The following SLC22A23 variants were observed in gnomAD, a reference collection of about 807,000 sequenced individuals.
SLC22A23 encodes the protein solute carrier family 22 member 23, also known as ion transporter protein.
A neutral mutation model predicts 61.0 loss-of-function variants in SLC22A23; 26 were observed. That is an observed-to-expected ratio of 0.43 (90% CI 0.31 to 0.59). The LOEUF is 0.59. Among genes scored for constraint, SLC22A23 ranks in the 20% least tolerant of loss-of-function variants. SLC22A23 has a pLI of 0.11. For synonymous variants in SLC22A23, 430 were observed against 413.9 expected (o/e 1.04, Z -0.47); for missense variants, 796 against 934.7 (o/e 0.85, Z 1.94).
chr6:3,323,206 G>A, intron 4 of SLC22A23: 1 of 455,826 alleles, frequency 2.2e-6, no homozygotes, highest in South Asian at 1.6e-5. Context: ...GCAGGGGTGG[G>A]CAAGCTATTT....
At chr6:3,361,712 G>T (rs866951401) in intron 3 of SLC22A23, among the ~76,000 whole-genome samples, 2 of 152,194 alleles carry the variant, frequency 1.3e-5, no homozygotes, top group South Asian at 2.1e-4. Context: ...AAGAAATACT[G>T]CTCCATGCGT....
At chr6:3,275,237 G>C (rs975142830) in intron 9 of SLC22A23, among the ~76,000 whole-genome samples, 3 of 152,170 alleles carry the variant, frequency 2.0e-5, no homozygotes, top group African/African-American at 7.2e-5. Flanking sequence ...TTTTCAACAG[G>C]TGGTGCTGGG....
At chr6:3,422,403 T>C (rs767833191) in intron 1 of SLC22A23, among the ~76,000 whole-genome samples, 3 of 152,198 alleles carry the variant, frequency 2.0e-5, no homozygotes, top group Non-Finnish European at 4.4e-5. Flanking sequence ...GCCAGGCTGA[T>C]GAAGCACATT....
intron 3 of SLC22A23, among the ~76,000 whole-genome samples, chr6:3,383,605 G>T (rs1258186195): frequency 6.6e-6 from 1 of 152,214 alleles, no homozygotes; most frequent in Admixed American, 6.5e-5. Context: ...GATGTGAGGG[G>T]TCAGAAGAAA....
intron 3 of SLC22A23, among the ~76,000 whole-genome samples, chr6:3,349,159 G>T (rs564561000): frequency 6.6e-6 from 1 of 152,204 alleles, no homozygotes; most frequent in African/African-American, 2.4e-5. Flanking sequence ...AACTGGCCGC[G>T]GGGCACTTCT....
At position 3,324,037 on chromosome 6, in the gene SLC22A23, C is replaced by T. The variant is rs1581692083; in HGVS notation, c.914-35G>A. The T allele has an allele frequency of 6.2e-7, 1 of 1,602,282 alleles. No homozygotes were observed. The highest frequency in any genetic ancestry group is 8.5e-7 in the Non-Finnish European group (1 of 1,170,976). ...AGAACCAATGAGAGAGAGATGAGTG[C>T]CCTGCTCGACAGCCCGAGAAGTCCT... On this transcript the variant is annotated intron_variant, in intron 3 of 9. Coordinates refer to ENST00000406686, the MANE Select transcript of SLC22A23 (RefSeq NM_015482.2). This position sits in a 1 kb window ranked among gnomAD's most constrained non-coding sequence, Gnocchi z 4.3.
chr6:3,388,759 C>T (rs1013487262), intron 3 of SLC22A23, among the ~76,000 whole-genome samples: 2 of 152,116 alleles, frequency 1.3e-5, no homozygotes, highest in African/African-American at 2.4e-5. Flanking sequence ...AATCTTGTCC[C>T]GAGCTGCAGT....
Position 3,330,244 on chromosome 6 carries a change from G to A in SLC22A23, c.914-6242C>T, listed in dbSNP as rs946497954. 1.3e-5 allele frequency among the ~76,000 whole-genome samples: 2 copies of A among 152,198 alleles called. No homozygotes were observed. Among genetic ancestry groups the A allele is most frequent in the Admixed American group, 6.5e-5 (1 of 15,282 alleles). ...GGGAAAATGTGGAAAGGAAGGAGGT[G>A]CAGTTTTCTCAACAGAGACTGGAGG... On this transcript the variant is annotated intron_variant, in intron 3 of 9. Coordinates refer to ENST00000406686, the MANE Select transcript of SLC22A23 (RefSeq NM_015482.2). This position sits in a 1 kb window ranked among gnomAD's most constrained non-coding sequence, Gnocchi z 4.7.
At position 3,308,109 on chromosome 6, in the gene SLC22A23, T is replaced by A. The variant is rs942245749; in HGVS notation, c.1083-9891A>T. On this transcript the variant is annotated intron_variant, in intron 4 of 9. Transcript: ENST00000406686. The surrounding 1 kb of genome is among the most constrained non-coding windows in gnomAD (Gnocchi z 5.1). ...AAATTCTAGAAATGGATGGTGGAGA[T>A]GGCTGCACAACATCGCGTTGTGGAT... Among the ~76,000 whole-genome samples the A allele has an allele frequency of 6.6e-6, 1 of 152,144 alleles. No homozygotes were observed. The highest frequency in any genetic ancestry group is 1.5e-5 in the Non-Finnish European group (1 of 68,032).
intron 3 of SLC22A23, among the ~76,000 whole-genome samples, chr6:3,356,929 G>C (rs942260626): frequency 2.0e-5 from 3 of 152,064 alleles, no homozygotes; most frequent in African/African-American, 7.2e-5. Flanking sequence ...GTCTCTAGGA[G>C]AGGCGCAGGC....
At position 3,297,079 on chromosome 6, in the gene SLC22A23, G is replaced by A. The variant is rs1354781422; in HGVS notation, c.1210+1012C>T. ...GCCCTGCTGTTTCATCCCTCCTGAC[G>A]TATGCACGTGTAACTTCCCTGTCTG... is the stretch of plus-strand genomic sequence containing the variant. On this transcript the variant is annotated intron_variant, in intron 5 of 9. Coordinates refer to ENST00000406686, the MANE Select transcript of SLC22A23 (RefSeq NM_015482.2). The surrounding 1 kb of genome is among the most constrained non-coding windows in gnomAD (Gnocchi z 4.3). Among the ~76,000 whole-genome samples, 3 of 152,180 alleles carry A rather than the reference G, an allele frequency of 2.0e-5. No individual in the cohort carries two copies. The highest frequency in any genetic ancestry group is 4.4e-5 in the Non-Finnish European group (3 of 68,046).
intron 9 of SLC22A23, among the ~76,000 whole-genome samples, chr6:3,275,707 T>C (rs1372938651): frequency 6.6e-6 from 1 of 152,166 alleles, no homozygotes; most frequent in Non-Finnish European, 1.5e-5. Context: ...CTCAGCCTCC[T>C]GAGTAGCTGG....
At chr6:3,340,632 C>T (rs772968658) in intron 3 of SLC22A23, among the ~76,000 whole-genome samples, 11 of 152,280 alleles carry the variant, frequency 7.2e-5, no homozygotes, top group Non-Finnish European at 4.4e-5. Context: ...AAACGATTTT[C>T]AAGGTCCCAT....
intron 4 of SLC22A23, chr6:3,313,707 A>T (rs1220639326): frequency 6.6e-6 from 1 of 152,198 alleles, no homozygotes; most frequent in Non-Finnish European, 1.5e-5. Flanking sequence ...AAAGGCTGAT[A>T]CCTGCTGGAT....
rs897343287 is a variant in SLC22A23, at chr6:3,322,862, T to C, written c.1082+972A>G. 6.6e-6 allele frequency among the ~76,000 whole-genome samples: 1 copy of C among 152,074 alleles called. No homozygotes were observed. The highest frequency in any genetic ancestry group is 1.5e-5 in the Non-Finnish European group (1 of 68,004). On this transcript the variant is annotated intron_variant, in intron 4 of 9. Coordinates refer to ENST00000406686, the MANE Select transcript of SLC22A23 (RefSeq NM_015482.2). This position sits in a 1 kb window ranked among gnomAD's most constrained non-coding sequence, Gnocchi z 4.1. The stretch of plus-strand genomic sequence containing the variant: ...TTGGTTTTCATTGTTGACTAAATAG[T>C]AGCAATACAGGGCCACATCCATGAT...
intron 3 of SLC22A23, among the ~76,000 whole-genome samples, chr6:3,392,673 G>GGA (rs912920561): frequency 2.0e-5 from 3 of 152,200 alleles, no homozygotes; most frequent in South Asian, 4.2e-4. Context: ...GCTGATCAAG[G>GGA]GAGAGAGAGA....
chr6:3,414,772 G>T lies in SLC22A23; in HGVS notation c.758+980C>A, dbSNP rs150926812. Among the ~76,000 whole-genome samples the T allele has an allele frequency of 2.0e-5, 3 of 150,752 alleles. No individual in the cohort carries two copies. In the East Asian group the frequency reaches 5.8e-4, roughly 29 times the overall value. On this transcript the variant is annotated intron_variant, in intron 2 of 9. Transcript: ENST00000406686. This position sits in a 1 kb window ranked among gnomAD's most constrained non-coding sequence, Gnocchi z 5.1. ...CTTTAAAGATAAAAGAATGTAAGCT[G>T]GGGAGACAGTTACACTACGCCTCTC... is the stretch of plus-strand genomic sequence containing the variant.
chr6:3,273,028 C>T lies in SLC22A23; in HGVS notation c.*27G>A. The T allele has an allele frequency of 1.3e-6, 2 of 1,513,380 alleles. No homozygotes were observed. Among genetic ancestry groups the T allele is most frequent in the South Asian group, 1.3e-5 (1 of 77,870 alleles). 93.7% of individuals were successfully genotyped at this position (1,513,380 alleles called of 1,614,324 possible). On this transcript the variant is annotated 3_prime_UTR_variant, in exon 10 of 10. Coordinates refer to ENST00000406686, the MANE Select transcript of SLC22A23 (RefSeq NM_015482.2). Reference sequence around the variant, plus strand: ...ACCTGTGCCCAAGCTGCCCCAGACCCTGGAGCCCCGGGTTCCGCAGGCCGG... The same window carrying T: ...ACCTGTGCCCAAGCTGCCCCAGACCTTGGAGCCCCGGGTTCCGCAGGCCGG...
At chr6:3,345,096 CT>C (rs1282766308) in intron 3 of SLC22A23, among the ~76,000 whole-genome samples, 2 of 152,226 alleles carry the variant, frequency 1.3e-5, no homozygotes, top group Non-Finnish European at 2.9e-5. Flanking sequence ...GAACAATTGG[CT>C]TTGTCAGAAT....
Sources: allele counts gnomAD v4.1 joint callset (sites outside exome capture counted in the v4.1 genomes callset), GRCh38; gene constraint gnomAD v4.1.1; non-coding constraint Gnocchi (gnomAD v3.1); transcripts MANE v1.5; gene names NCBI Gene and HGNC (gene_info 2026-07-23, HGNC 2026-07-21).